Variants in ADGRD1 observed in about 807,000 individuals in gnomAD.
ADGRD1 encodes adhesion G protein-coupled receptor D1, also known as G-protein coupled receptor 133.
A neutral mutation model predicts 113.4 loss-of-function variants in ADGRD1; 77 were observed. That is an observed-to-expected ratio of 0.68 (90% CI 0.57 to 0.82). The LOEUF (loss-of-function observed/expected upper bound fraction) is 0.82. Ranked by LOEUF, ADGRD1 falls within the 40% of genes least tolerant of loss-of-function variation. The pLI, the probability that ADGRD1 is intolerant of heterozygous loss-of-function variation, is 0.00. For missense variants in ADGRD1, 1,036 were observed against 1,139.1 expected (o/e 0.91, Z 1.30); for synonymous variants, 474 against 475.0 (o/e 1.00, Z 0.03).
At position 130,991,220 on chromosome 12, in the gene ADGRD1, G is replaced by A. The variant is rs964306159; in HGVS notation, c.810+142G>A. The A allele has an allele frequency of 1.3e-5, 8 of 627,796 alleles. No individual in the cohort carries two copies. The Admixed American group carries it at 2.2e-4, about 17-fold the overall frequency. 38.9% of individuals were successfully genotyped at this position (627,796 alleles called of 1,614,324 possible). A position where few individuals can be genotyped will look rare whatever the true frequency, so the allele number is the denominator to read the frequency against. On this transcript the variant is annotated intron_variant, in intron 7 of 24. Transcript: ENST00000261654. ...TCTGGGAAGAAATAACAAATGGAGG[G>A]GAAGCCAACTGCAGTACTAATTCTT...
At chr12:130,996,668 C>T (rs1213431518) in intron 8 of ADGRD1, among the ~76,000 whole-genome samples, 1 of 97,926 alleles carries the variant, frequency 1.0e-5, no homozygotes, top group Non-Finnish European at 2.2e-5. Context: ...CTGACCCCCC[C>T]ACCTCCCTCC....
chr12:131,131,645 G>C, intron 20 of ADGRD1, 80 bp from the exon 21 acceptor site: 1 of 965,474 alleles, frequency 1.0e-6, no homozygotes, highest in Non-Finnish European at 1.6e-6. Context: ...CCTGTGGTGA[G>C]GGCAGTGGCC....
In ADGRD1 at chr12:131,141,289, T is replaced by C. The variant is rs760514390; in HGVS notation, c.*2026T>C. ...TTTCCAATGAATGAAAGTCATGCAC[T>C]TTATTTATAGGCTCTATGTTTTGGC... On this transcript the variant is annotated 3_prime_UTR_variant, in exon 25 of 25. Transcript: ENST00000261654. 3 of 152,278 alleles carry C rather than the reference T, an allele frequency of 2.0e-5. No homozygotes were observed. The highest frequency in any genetic ancestry group is 4.4e-5 in the Non-Finnish European group (3 of 68,046). The allele number at this position is 152,278 out of a possible 1,614,324, so 9.4% of individuals were successfully genotyped here. A position where few individuals can be genotyped will look rare whatever the true frequency, so the allele number is the denominator to read the frequency against.
At position 131,084,514 on chromosome 12, in the gene ADGRD1, T is replaced by C; in HGVS notation, c.1548-26T>C. On this transcript the variant is annotated intron_variant, in intron 14 of 24. Transcript: ENST00000261654. The surrounding 1 kb of genome is among the most constrained non-coding windows in gnomAD (Gnocchi z 4.5). The stretch of plus-strand genomic sequence containing the variant: ...CTGCCAAGGGTGCGGTGCTACCTCC[T>C]CTGATCCTTTCTCCTGTGTCCTCAG... The C allele has an allele frequency of 6.2e-7, 1 of 1,613,804 alleles. No homozygotes were observed. The highest frequency in any genetic ancestry group is 1.1e-5 in the South Asian group (1 of 91,074).
At position 130,954,297 on chromosome 12, in the gene ADGRD1, A is replaced by G; in HGVS notation, c.-169A>G. 1.8e-6 allele frequency: 1 copy of G among 565,366 alleles called. No individual in the cohort carries two copies. The highest frequency in any genetic ancestry group is 3.1e-6 in the Non-Finnish European group (1 of 323,464). The allele number at this position is 565,366 out of a possible 1,614,324, so 35.0% of individuals were successfully genotyped here. ...GTTTTGAGACGAGGAAGAAACACCC[A>G]TTAGGTCTCCAAGACAGCTGTGTTT... On this transcript the variant is annotated 5_prime_UTR_variant, in exon 1 of 25. Transcript: ENST00000261654. The surrounding 1 kb of genome is among the most constrained non-coding windows in gnomAD (Gnocchi z 4.7).
At chr12:131,080,472 A>G (rs1245691220) in intron 14 of ADGRD1, among the ~76,000 whole-genome samples, 2 of 152,186 alleles carry the variant, frequency 1.3e-5, no homozygotes, top group African/African-American at 4.8e-5. Flanking sequence ...ATAAATGTCA[A>G]TTACACCAAG....
intron 6 of ADGRD1, chr12:130,988,014 C>T (rs1447719274): frequency 6.5e-6 from 1 of 153,242 alleles, no homozygotes; most frequent in African/African-American, 2.4e-5. Flanking sequence ...GCCTTCCCCT[C>T]CCCCAGACTC....
intron 13 of ADGRD1, among the ~76,000 whole-genome samples, chr12:131,040,240 G>A (rs975385069): frequency 3.9e-5 from 6 of 152,166 alleles, no homozygotes; most frequent in Non-Finnish European, 2.9e-5. Flanking sequence ...TGCAACTGGT[G>A]CGGAGAAGTC....
intron 12 of ADGRD1, 96 bp from the exon 13 acceptor site, chr12:131,014,103 T>C: frequency 8.4e-7 from 1 of 1,196,816 alleles, no homozygotes; most frequent in Non-Finnish European, 1.2e-6. Flanking sequence ...TCCGTCTCAA[T>C]AGTTTTGGGT....
At chr12:131,058,595 C>T (rs907380326) in intron 13 of ADGRD1, among the ~76,000 whole-genome samples, 4 of 152,114 alleles carry the variant, frequency 2.6e-5, no homozygotes, top group Non-Finnish European at 4.4e-5. Flanking sequence ...CCTTTGAGAA[C>T]GTTCTTGTTT....
intron 8 of ADGRD1, among the ~76,000 whole-genome samples, chr12:130,998,156 A>T (rs892804013): frequency 6.7e-6 from 1 of 149,060 alleles, no homozygotes; most frequent in Non-Finnish European, 1.5e-5. Context: ...CATCAGAGGG[A>T]GACTGTGGAA....
chr12:131,078,204 C>T (rs925833423), intron 14 of ADGRD1, among the ~76,000 whole-genome samples: 1 of 152,252 alleles, frequency 6.6e-6, no homozygotes, highest in Non-Finnish European at 1.5e-5. Flanking sequence ...AGACGCTGAG[C>T]TGGGGGTGCA....
intron 13 of ADGRD1, among the ~76,000 whole-genome samples, chr12:131,074,647 G>C (rs1885440668): frequency 6.6e-6 from 1 of 152,192 alleles, no homozygotes; most frequent in Non-Finnish European, 1.5e-5. Flanking sequence ...ACACCCCTGG[G>C]AGCCCGGGAG....
intron 15 of ADGRD1, among the ~76,000 whole-genome samples, chr12:131,099,834 G>A (rs1271925096): frequency 6.6e-6 from 1 of 152,192 alleles, no homozygotes; most frequent in African/African-American, 2.4e-5. Flanking sequence ...TCAGTTCAAG[G>A]GAAGAGCCAT....
At chr12:131,120,159 C>G (rs1045066191) in intron 19 of ADGRD1, among the ~76,000 whole-genome samples, 2 of 152,176 alleles carry the variant, frequency 1.3e-5, no homozygotes, top group Admixed American at 6.5e-5. Context: ...GACTGCGCCA[C>G]GCACCTGCCC....
intron 15 of ADGRD1, among the ~76,000 whole-genome samples, chr12:131,098,345 G>A (rs953779518): frequency 6.6e-6 from 1 of 152,154 alleles, no homozygotes; most frequent in Non-Finnish European, 1.5e-5. Flanking sequence ...TGGAGCATGC[G>A]GGGCCTCAGA....
intron 13 of ADGRD1, among the ~76,000 whole-genome samples, chr12:131,046,370 GC>G (rs66746307): frequency 6.1e-4 from 15 of 24,412 alleles, no homozygotes; most frequent in South Asian, 2.2e-3. Flanking sequence ...CCTGGTCAGT[GC>G]TCCTCCCTGG....
intron 20 of ADGRD1, among the ~76,000 whole-genome samples, chr12:131,128,722 T>A (rs566769786): frequency 2.0e-5 from 3 of 152,310 alleles, no homozygotes; most frequent in Non-Finnish European, 4.4e-5. Context: ...TGTAACTACA[T>A]ACCCACCCCA....
intron 5 of ADGRD1, among the ~76,000 whole-genome samples, chr12:130,983,618 T>C (rs1486892350): frequency 6.6e-6 from 1 of 152,206 alleles, no homozygotes; most frequent in Admixed American, 6.5e-5. Context: ...TGGCTGGCAA[T>C]GTGCTCTCTT....
Sources: gnomAD v4.1 joint callset for allele counts (sites outside exome capture counted in the v4.1 genomes callset) on GRCh38, gnomAD v4.1.1 for gene constraint, Gnocchi (gnomAD v3.1) non-coding constraint, MANE v1.5 for transcripts, NCBI Gene and HGNC (gene_info 2026-07-23, HGNC 2026-07-21) for gene names.